Variants in DNAH12 observed in about 807,000 individuals in gnomAD.
DNAH12 encodes the protein axonemal beta dynein heavy chain 12.
Under a neutral mutation model 371.5 loss-of-function variants are expected in DNAH12, and 285 were observed. The observed-to-expected ratio is 0.77, with a 90% CI of 0.70 to 0.85. The LOEUF is 0.85. Ranked by LOEUF, DNAH12 falls within the 40% of genes least tolerant of loss-of-function variation. The probability of loss-of-function intolerance (pLI) is 0.00; values close to 1 mark genes in which losing one functional copy is unlikely to be tolerated. For missense variants in DNAH12, 3,611 were observed against 3,689.4 expected, an observed-to-expected ratio of 0.98 and a Z score of 0.55; for synonymous variants, 1,200 against 1,213.0, an observed-to-expected ratio of 0.99 and a Z score of 0.22.
At chr3:57,423,455 A>G (rs1191804904) in intron 35 of DNAH12, among the ~76,000 whole-genome samples, 1 of 152,224 alleles carries the variant, frequency 6.6e-6, no homozygotes, top group East Asian at 1.9e-4. Context: ...GCGGAAGGAT[A>G]TAAAGGCGAA....
intron 16 of DNAH12, among the ~76,000 whole-genome samples, chr3:57,469,494 G>A (rs2066304994): frequency 6.6e-6 from 1 of 152,076 alleles, no homozygotes; most frequent in Non-Finnish European, 1.5e-5. Flanking sequence ...TATACCCAAA[G>A]GAAAATAATC....
chr3:57,356,147 A>G (rs1015960997), intron 59 of DNAH12, among the ~76,000 whole-genome samples: 5 of 152,168 alleles, frequency 3.3e-5, no homozygotes, highest in African/African-American at 1.2e-4. Flanking sequence ...CTAGAAAACT[A>G]TTAGAAATGT....
At chr3:57,523,776 C>G in intron 3 of DNAH12, 27 bp downstream of exon 3, 1 of 1,571,814 alleles carries the variant, frequency 6.4e-7, no homozygotes, top group Non-Finnish European at 8.6e-7. Context: ...TAAGGATAAA[C>G]TTTTTAACGA....
intron 69 of DNAH12, among the ~76,000 whole-genome samples, chr3:57,306,295 GT>G (rs2061469073): frequency 6.6e-6 from 1 of 152,078 alleles, no homozygotes; most frequent in Non-Finnish European, 1.5e-5. Context: ...CTTTTCAAGG[GT>G]CTGTTTCCCT....
chr3:57,375,746 C>T (rs1036032220), intron 54 of DNAH12, 72 bp downstream of exon 54: 9 of 151,062 alleles, frequency 6.0e-5, no homozygotes, highest in Admixed American at 4.6e-4. Context: ...TATTATCATC[C>T]TTTCCCCCAA....
At chr3:57,474,723 C>A (rs1258855101) in intron 13 of DNAH12, among the ~76,000 whole-genome samples, 2 of 152,096 alleles carry the variant, frequency 1.3e-5, no homozygotes, top group African/African-American at 4.8e-5. Flanking sequence ...CTTTGGGAGG[C>A]CAAGTCGGGC....
intron 25 of DNAH12, among the ~76,000 whole-genome samples, chr3:57,451,589 T>C (rs375561972): frequency 2.0e-5 from 3 of 152,156 alleles, no homozygotes; most frequent in Non-Finnish European, 1.5e-5. Context: ...CAGTGAGCCA[T>C]GATGGCGCCA....
intron 29 of DNAH12, among the ~76,000 whole-genome samples, chr3:57,440,863 T>G (rs1356771304): frequency 6.6e-6 from 1 of 151,936 alleles, no homozygotes; most frequent in East Asian, 1.9e-4. Flanking sequence ...GGTGGTACAT[T>G]CCTGTAGTCC....
At position 57,445,206 on chromosome 3, in the gene DNAH12, G is replaced by A. The variant is rs78598830; in HGVS notation, c.4393C>T (p.Leu1465=). The A allele has an allele frequency of 3.2e-6, 5 of 1,547,794 alleles. No homozygotes were observed. The South Asian group carries it at 6.0e-5, about 19-fold the overall frequency. ...TCTTCATTTTCATTTGGGTATTTTA[G>A]TTTTAGATTGCCAGCAGCCACTAAA... ...AVLVAAGNLK[L]KYPNENEDIL... Residue 1465 remains leucine, a synonymous_variant, in exon 28 of 74, where the codon CTA becomes TTA. Transcript: ENST00000495027.
At chr3:57,480,080 C>A (rs1274966130) in intron 13 of DNAH12, among the ~76,000 whole-genome samples, 1 of 152,006 alleles carries the variant, frequency 6.6e-6, no homozygotes, top group Non-Finnish European at 1.5e-5. Context: ...CAGAGCAGAA[C>A]TGAAGGAAAT....
At chr3:57,479,668 G>C (rs2066666352) in intron 13 of DNAH12, among the ~76,000 whole-genome samples, 1 of 152,132 alleles carries the variant, frequency 6.6e-6, no homozygotes, top group African/African-American at 2.4e-5. Flanking sequence ...CACACGGTTG[G>C]AAGTAAAGCA....
chr3:57,321,826 T>A (rs984971877), intron 65 of DNAH12, among the ~76,000 whole-genome samples: 1 of 152,204 alleles, frequency 6.6e-6, no homozygotes, highest in Non-Finnish European at 1.5e-5. Context: ...AAATGAGTAC[T>A]CTCTACTGGG....
intron 36 of DNAH12, among the ~76,000 whole-genome samples, chr3:57,420,908 CAAAAAA>C (rs369971376): frequency 0.014 from 1,086 of 78,018 alleles, 12 homozygotes; most frequent in African/African-American, 0.051. Context: ...GACTCCGTCT[CAAAAAA>C]AAAAAAAAAA....
At chr3:57,427,138 A>ATGTGATG (rs564544771) in intron 34 of DNAH12, among the ~76,000 whole-genome samples, 108 of 138,870 alleles carry the variant, frequency 7.8e-4, no homozygotes, top group African/African-American at 2.8e-3. Flanking sequence ...TAAGAAGCGA[A>ATGTGATG]TGTGTGTGTG....
At chr3:57,305,234 C>T (rs1240336299) in intron 69 of DNAH12, among the ~76,000 whole-genome samples, 3 of 151,988 alleles carry the variant, frequency 2.0e-5, no homozygotes, top group African/African-American at 7.3e-5. Flanking sequence ...CGACTCATCC[C>T]AAACCCTCCT....
At chr3:57,534,920 T>C (rs2153401420) in intron 2 of DNAH12, among the ~76,000 whole-genome samples, 1 of 152,346 alleles carries the variant, frequency 6.6e-6, no homozygotes, top group African/African-American at 2.4e-5. Flanking sequence ...TGTTTACTTA[T>C]CTGGTTCCTT....
intron 4 of DNAH12, among the ~76,000 whole-genome samples, chr3:57,512,284 A>G (rs2068028572): frequency 1.3e-5 from 2 of 152,192 alleles, no homozygotes; most frequent in South Asian, 4.1e-4. Context: ...ATATAAAGTA[A>G]ATAGAGCAGT....
At chr3:57,464,889 C>T (rs914914677) in intron 17 of DNAH12, among the ~76,000 whole-genome samples, 3 of 152,242 alleles carry the variant, frequency 2.0e-5, no homozygotes, top group African/African-American at 7.2e-5. Flanking sequence ...TGGACAAATT[C>T]CTTAAAACTA....
chr3:57,374,368 GAA>G lies in DNAH12; in HGVS notation c.8759+1001_8759+1002del, dbSNP rs2063238210. ...CAGCATATTTGAGACACAGTCCCAT[GAA>G]AAGACTTTTAAAATTAGATGATAGT... On this transcript the variant is annotated intron_variant, in intron 55 of 73. Transcript: ENST00000495027. Among the ~76,000 whole-genome samples, 5 of 152,244 alleles carry G rather than the reference GAA, an allele frequency of 3.3e-5. No homozygotes were observed. The South Asian group carries it at 1.0e-3, about 32-fold the overall frequency.
Sources: gnomAD v4.1 joint callset for allele counts (sites outside exome capture counted in the v4.1 genomes callset) on GRCh38, gnomAD v4.1.1 for gene constraint, MANE v1.5 for transcripts, NCBI Gene and HGNC (gene_info 2026-07-23, HGNC 2026-07-21) for gene names.